Variants in SPON2 observed in about 807,000 individuals in gnomAD.
SPON2 encodes the protein spondin-2.
In SPON2, 32 loss-of-function variants were observed where a neutral mutation model predicts 29.9. That is an observed-to-expected ratio of 1.07 (90% CI 0.81 to 1.44). The LOEUF (loss-of-function observed/expected upper bound fraction) is 1.44, where lower values mean the gene tolerates loss of function less well. Ranked by LOEUF, SPON2 falls within the 40% of genes most tolerant of loss-of-function variation. SPON2 has a pLI of 0.00. For synonymous variants in SPON2, 248 were observed against 209.1 expected, an observed-to-expected ratio of 1.19 and a Z score of -1.61; for missense variants, 541 against 455.5, an observed-to-expected ratio of 1.19 and a Z score of -1.71.
chr4:1,189,665 A>G (rs542798673), intron 1 of SPON2, among the ~76,000 whole-genome samples: 22 of 148,924 alleles, frequency 1.5e-4, no homozygotes, highest in African/African-American at 5.4e-4. Flanking sequence ...AAAAGAAAGA[A>G]AGAAAGAAAA....
At position 1,167,521 on chromosome 4, in the gene SPON2, C is replaced by A; in HGVS notation, c.947G>T (p.Cys316Phe). The A allele has an allele frequency of 6.2e-7, 1 of 1,613,828 alleles. No homozygotes were observed. The highest frequency in any genetic ancestry group is 8.5e-7 in the Non-Finnish European group (1 of 1,179,996). Residue 316 changes from cysteine to phenylalanine, a missense_variant, in exon 6 of 6, where the codon TGC becomes TTC. By Grantham distance (205) the Cys-to-Phe change is radical. Coordinates refer to ENST00000290902, the MANE Select transcript of SPON2 (RefSeq NM_012445.4). The part of the protein sequence containing the change: ...RVQPANNGSP[C>F]PELEEEAECV... ...CTCAGCCTCTTCTTCGAGCTCGGGG[C>A]AGGGGCTCCCGTTGTTGGCGGGCTG...
chr4:1,171,815 C>T, intron 2 of SPON2, 37 bp downstream of exon 2: 1 of 1,510,402 alleles, frequency 6.6e-7, no homozygotes, highest in Non-Finnish European at 9.2e-7. Context: ...CGCAGCCCTC[C>T]TGGTGGAGCA....
At chr4:1,187,130 G>A (rs1000618897) in intron 1 of SPON2, among the ~76,000 whole-genome samples, 1 of 152,188 alleles carries the variant, frequency 6.6e-6, no homozygotes, top group Non-Finnish European at 1.5e-5. Context: ...CAGTTCAAGT[G>A]CCTACCAATG....
intron 1 of SPON2, among the ~76,000 whole-genome samples, chr4:1,194,631 C>T (rs920758480): frequency 2.0e-4 from 31 of 152,286 alleles, no homozygotes; most frequent in African/African-American, 7.5e-4. Context: ...TGCTCTGGCC[C>T]GCGGGACCTG....
intron 1 of SPON2, among the ~76,000 whole-genome samples, chr4:1,203,713 C>A (rs956197947): frequency 6.6e-6 from 1 of 152,104 alleles, no homozygotes; most frequent in African/African-American, 2.4e-5. Flanking sequence ...CGCCCTGACA[C>A]CTATGATGCT....
At chr4:1,205,754 TC>T (rs1419513312) in intron 1 of SPON2, among the ~76,000 whole-genome samples, 1 of 152,056 alleles carries the variant, frequency 6.6e-6, no homozygotes, top group Non-Finnish European at 1.5e-5. Context: ...CACTCAGATG[TC>T]CCACCCACAA....
Position 1,172,024 on chromosome 4 carries a change from A to G in SPON2, c.48T>C (p.Ala16=), listed in dbSNP as rs779014413. 1 of 1,612,308 alleles carries G rather than the reference A, an allele frequency of 6.2e-7. No individual in the cohort carries two copies. The highest frequency in any genetic ancestry group is 1.1e-5 in the South Asian group (1 of 91,024). ...PAAALGKALC[A]LLLATLGAAG... Reference sequence around the variant, plus strand: ...CGGCGCCGAGAGTGGCCAGGAGGAGAGCGCAGAGGGCCTTGCCCAGGGCGG... The same window carrying G: ...CGGCGCCGAGAGTGGCCAGGAGGAGGGCGCAGAGGGCCTTGCCCAGGGCGG... Residue 16 remains alanine (A), a synonymous_variant, in exon 2 of 6, where the codon GCT becomes GCC. Coordinates refer to ENST00000290902, the MANE Select transcript of SPON2 (RefSeq NM_012445.4).
upstream of SPON2, among the ~76,000 whole-genome samples, chr4:1,196,099 C>T (rs1026515637): frequency 6.6e-6 from 1 of 152,192 alleles, no homozygotes; most frequent in Non-Finnish European, 1.5e-5. Context: ...CGCTGCCCCC[C>T]GACAGGCCCT....
At chr4:1,180,009 T>G (rs1360118513) in intron 1 of SPON2, among the ~76,000 whole-genome samples, 1 of 150,570 alleles carries the variant, frequency 6.6e-6, no homozygotes, top group Non-Finnish European at 1.5e-5. Context: ...GGAAGTGAGA[T>G]GTCAATGGGG....
chr4:1,187,843 A>C (rs1037017839), intron 1 of SPON2, among the ~76,000 whole-genome samples: 3 of 152,248 alleles, frequency 2.0e-5, no homozygotes, highest in Admixed American at 6.5e-5. Flanking sequence ...AGAGCTACAC[A>C]CATAAACTAT....
At chr4:1,200,510 C>A in intron 1 of SPON2, 1 of 305,222 alleles carries the variant, frequency 3.3e-6, no homozygotes, top group African/African-American at 2.2e-5. Context: ...CGGGCTCAGC[C>A]TCTGCGCTTC....
At chr4:1,191,180 A>T (rs193289345) in intron 1 of SPON2, among the ~76,000 whole-genome samples, 44 of 152,260 alleles carry the variant, frequency 2.9e-4, no homozygotes, top group Non-Finnish European at 6.2e-4. Context: ...AAAGAACTAA[A>T]TTGGAAGACT....
At chr4:1,205,028 G>C (rs1215977429) in intron 1 of SPON2, 1 of 152,280 alleles carries the variant, frequency 6.6e-6, no homozygotes, top group Non-Finnish European at 1.5e-5. Flanking sequence ...GTCGCAGCAG[G>C]CTGTGCTCGG....
At chr4:1,174,395 G>A (rs1727546592), upstream of SPON2, among the ~76,000 whole-genome samples, 1 of 151,134 alleles carries the variant, frequency 6.6e-6, no homozygotes, top group African/African-American at 2.4e-5. Flanking sequence ...GCTGAGGCAG[G>A]AGAATTTCTT....
upstream of SPON2, among the ~76,000 whole-genome samples, chr4:1,177,092 C>T (rs1727618949): frequency 6.6e-6 from 1 of 152,234 alleles, no homozygotes; most frequent in Non-Finnish European, 1.5e-5. Flanking sequence ...CAGGGCCTTC[C>T]TGGAGGTCAC....
chr4:1,167,762 C>T lies in SPON2; in HGVS notation c.812-106G>A, dbSNP rs115635684. ...CGTGTGCATTCATCAGAGGCCACGC[C>T]CACCCTTCGGGGGCACTTGCGTTTC... On this transcript the variant is annotated intron_variant, in intron 5 of 5. Coordinates refer to ENST00000290902, the MANE Select transcript of SPON2 (RefSeq NM_012445.4). The T allele has an allele frequency of 3.3e-4, 425 of 1,298,256 alleles. 1 individual carries two copies. In the African/African-American group the frequency reaches 5.9e-3, roughly 18 times the overall value. The allele number at this position is 1,298,256 out of a possible 1,614,324, so 80.4% of individuals were successfully genotyped here.
intron 1 of SPON2, among the ~76,000 whole-genome samples, chr4:1,190,739 G>C (rs745675821): frequency 6.6e-6 from 1 of 152,166 alleles, no homozygotes; most frequent in Non-Finnish European, 1.5e-5. Context: ...AAAAACATTG[G>C]AGCTGAGAAA....
chr4:1,195,546 CA>C (rs1168396092), upstream of SPON2, among the ~76,000 whole-genome samples: 1 of 151,884 alleles, frequency 6.6e-6, no homozygotes, highest in Non-Finnish European at 1.5e-5. Flanking sequence ...GCATCCCGGG[CA>C]CCACATGTGG....
chr4:1,183,641 A>T (rs1443210989), intron 1 of SPON2, among the ~76,000 whole-genome samples: 2 of 152,224 alleles, frequency 1.3e-5, no homozygotes, highest in African/African-American at 4.8e-5. Context: ...TGAGGCACAC[A>T]GTGAATTAAG....
Sources: allele counts gnomAD v4.1 joint callset (sites outside exome capture counted in the v4.1 genomes callset), GRCh38; gene constraint gnomAD v4.1.1; transcripts MANE v1.5; gene names NCBI Gene and HGNC (gene_info 2026-07-23, HGNC 2026-07-21).